The following KIF17 variants were observed in gnomAD, a reference collection of about 807,000 sequenced individuals.
KIF17 encodes the protein kinesin family member 17, also known as kinesin-like protein KIF17.
Under a neutral mutation model 96.8 loss-of-function variants are expected in KIF17, and 80 were observed. That is an observed-to-expected ratio of 0.83 (90% CI 0.69 to 1.00). The LOEUF (loss-of-function observed/expected upper bound fraction) is 1.00, where lower values mean the gene tolerates loss of function less well. Ranked by LOEUF, KIF17 falls within the 50% of genes least tolerant of loss-of-function variation. KIF17 has a pLI of 0.00. For synonymous variants in KIF17, 567 were observed against 587.5 expected, an observed-to-expected ratio of 0.97 and a Z score of 0.51; for missense variants, 1,280 against 1,372.9, an observed-to-expected ratio of 0.93 and a Z score of 1.07.
chr1:20,688,753 G>C (rs1394515431), intron 7 of KIF17, among the ~76,000 whole-genome samples: 1 of 152,188 alleles, frequency 6.6e-6, no homozygotes, highest in Non-Finnish European at 1.5e-5. Flanking sequence ...ATGAATGTCA[G>C]AGCTCCAGAA....
Position 20,672,085 on chromosome 1 carries a change from G to A in KIF17, c.2575C>T (p.Gln859Ter). Reference sequence around the variant, plus strand: ...AGGGGCTGCACCTGCTCCAGGAGCTGCTGCAAGAGCATGGAGTCACGCTCC... The same window carrying A: ...AGGGGCTGCACCTGCTCCAGGAGCTACTGCAAGAGCATGGAGTCACGCTCC... ...RQERDSMLLQ[Q>*]LLEQVQPLIR... The change falls in exon 12 of 15, where the codon CAG (glutamine) becomes TAG (stop). Residue 859 changes from glutamine to a stop codon, truncating the protein, a stop_gained. Coordinates refer to ENST00000400463, the MANE Select transcript of KIF17 (RefSeq NM_001122819.3). LOFTEE classifies it high-confidence loss of function. This position sits in a 1 kb window ranked among gnomAD's most constrained non-coding sequence, Gnocchi z 4.3. 2 of 1,614,196 alleles carry A rather than the reference G, an allele frequency of 1.2e-6. No homozygotes were observed. Among genetic ancestry groups the A allele is most frequent in the Non-Finnish European group, 1.7e-6 (2 of 1,180,048 alleles).
chr1:20,669,993 G>A (rs867304048), intron 13 of KIF17, among the ~76,000 whole-genome samples: 696 of 121,760 alleles, frequency 5.7e-3, no homozygotes, highest in African/African-American at 6.8e-3. Flanking sequence ...CTTAGAAAAA[G>A]AAAAAAAAAA....
intron 13 of KIF17, among the ~76,000 whole-genome samples, chr1:20,668,044 C>T (rs543874840): frequency 6.6e-6 from 1 of 151,070 alleles, no homozygotes; most frequent in East Asian, 2.0e-4. Flanking sequence ...GGCGCGGTGG[C>T]TCATGCCTGT....
chr1:20,661,701 T>C (rs919166494), downstream of KIF17, among the ~76,000 whole-genome samples: 1 of 152,168 alleles, frequency 6.6e-6, no homozygotes, highest in Non-Finnish European at 1.5e-5. Context: ...TGGAGCCCAC[T>C]TCCCTCTGGA....
At chr1:20,677,801 A>G (rs1316765163) in intron 11 of KIF17, among the ~76,000 whole-genome samples, 1 of 152,248 alleles carries the variant, frequency 6.6e-6, no homozygotes, top group Non-Finnish European at 1.5e-5. Context: ...GATTGCAGTG[A>G]GCCGAGCTCA....
chr1:20,717,721 GA>G lies in KIF17; in HGVS notation c.-16del. On this transcript the variant is annotated 5_prime_UTR_variant, in exon 1 of 15. Coordinates refer to ENST00000400463, the MANE Select transcript of KIF17 (RefSeq NM_001122819.3). ...TCGGAGGCCATGGCGCCGCGCCCAGGACCAACGGGACCAGAGCTGACCCCCG... is the reference window on the plus strand; with the variant it reads ...TCGGAGGCCATGGCGCCGCGCCCAGGCCAACGGGACCAGAGCTGACCCCCG... 1 of 1,552,332 alleles carries G rather than the reference GA, an allele frequency of 6.4e-7. No homozygotes were observed. Among genetic ancestry groups the G allele is most frequent in the Non-Finnish European group, 8.7e-7 (1 of 1,155,402 alleles).
At chr1:20,692,371 C>T (rs1483587702) in intron 6 of KIF17, among the ~76,000 whole-genome samples, 1 of 151,450 alleles carries the variant, frequency 6.6e-6, no homozygotes, top group Admixed American at 6.6e-5. Flanking sequence ...GACAGAGTAT[C>T]GCTCTGTCAC....
intron 1 of KIF17, among the ~76,000 whole-genome samples, chr1:20,715,969 A>G (rs710312): frequency 0.68 from 103,424 of 152,136 alleles, 35,510 homozygotes; most frequent in East Asian, 0.88. Flanking sequence ...ACCTTGGGCC[A>G]GGCGGGGTGG....
intron 8 of KIF17, 72 bp from the exon 9 acceptor site, chr1:20,686,198 C>T (rs576025061): frequency 3.7e-4 from 488 of 1,332,008 alleles, no homozygotes; most frequent in Non-Finnish European, 4.7e-4. Context: ...TCCCTCACCC[C>T]TGGCCTCACT....
chr1:20,694,716 G>A (rs144305679), intron 6 of KIF17, among the ~76,000 whole-genome samples: 1,743 of 152,308 alleles, frequency 0.011, 20 homozygotes, highest in Non-Finnish European at 0.017. Flanking sequence ...GCATTCTTTA[G>A]TACATTTTTA....
At chr1:20,710,650 G>A (rs1481733513) in intron 3 of KIF17, among the ~76,000 whole-genome samples, 1 of 152,194 alleles carries the variant, frequency 6.6e-6, no homozygotes, top group Non-Finnish European at 1.5e-5. Context: ...AGAGCCACAG[G>A]AGGCTCAGCT....
At chr1:20,690,154 C>T in intron 7 of KIF17, 34 bp downstream of exon 7, 1 of 1,613,488 alleles carries the variant, frequency 6.2e-7, no homozygotes, top group Non-Finnish European at 8.5e-7. Context: ...GCCACCTTCC[C>T]TGGAGACAGC....
chr1:20,701,517 G>A (rs867575256), intron 5 of KIF17, among the ~76,000 whole-genome samples: 8 of 152,172 alleles, frequency 5.3e-5, no homozygotes, highest in Non-Finnish European at 1.0e-4. Flanking sequence ...GATAACACCA[G>A]GGACCCAGGC....
rs578044364 is a variant in KIF17, at chr1:20,687,958, A to C, written c.1382-14T>G. ...GCAGGACAGCCTCTGCAAAATGGAG[A>C]ACTTCCTTCAGGTTTTTAAAGGGTC... On this transcript the variant is annotated splice_polypyrimidine_tract_variant and intron_variant, in intron 7 of 14. Coordinates refer to ENST00000400463, the MANE Select transcript of KIF17 (RefSeq NM_001122819.3). The surrounding 1 kb of genome is among the most constrained non-coding windows in gnomAD (Gnocchi z 4.4). The C allele has an allele frequency of 1.3e-4, 207 of 1,612,378 alleles. No individual in the cohort carries two copies. In the African/African-American group the frequency reaches 2.4e-3, roughly 19 times the overall value.
At chr1:20,689,448 C>T (rs569037294) in intron 7 of KIF17, among the ~76,000 whole-genome samples, 40 of 152,244 alleles carry the variant, frequency 2.6e-4, no homozygotes, top group African/African-American at 8.2e-4. Context: ...CCCAGGAGTT[C>T]GAGACCAGCC....
rs773507745 is a variant in KIF17, at chr1:20,682,683, C to G, written c.2433G>C (p.Lys811Asn). The change falls in exon 11 of 15, where the codon AAG becomes AAC. Residue 811 changes from lysine (K) to asparagine (N), a missense_variant. By Grantham distance (94) the Lys-to-Asn change is moderately conservative (BLOSUM62 0). Coordinates refer to ENST00000400463, the MANE Select transcript of KIF17 (RefSeq NM_001122819.3). ...TCTGCATCTTCTCCAGCAGCTTGCT[C>G]TTGGCCCGCACTTCCTCCTGGATGG... is the stretch of plus-strand genomic sequence containing the variant. The part of the protein sequence containing the change: ...YDSIQEEVRA[K>N]SKLLEKMQRK... The G allele has an allele frequency of 6.2e-7, 1 of 1,613,932 alleles. No homozygotes were observed. The highest frequency in any genetic ancestry group is 1.7e-5 in the Admixed American group (1 of 59,998).
chr1:20,666,319 A>C lies in KIF17; in HGVS notation c.2803T>G (p.Tyr935Asp). Reference sequence around the variant, plus strand: ...TTGCTCCGACTGAGCATGAGCCTGTAGCGGTCGTCCTCCTGCCGAGATGCA... The same window carrying C: ...TTGCTCCGACTGAGCATGAGCCTGTCGCGGTCGTCCTCCTGCCGAGATGCA... The part of the protein sequence containing the change: ...NGEPNMEDDR[Y>D]RLMLSRSNSE... Residue 935 changes from tyrosine (Y) to aspartate (D), a missense_variant, in exon 14 of 15, where the codon TAC becomes GAC. By Grantham distance (160) the Tyr-to-Asp change is radical. Coordinates refer to ENST00000400463, the MANE Select transcript of KIF17 (RefSeq NM_001122819.3). The C allele has an allele frequency of 6.2e-7, 1 of 1,613,812 alleles. No individual in the cohort carries two copies.
chr1:20,711,208 G>A (rs916859645), intron 3 of KIF17, among the ~76,000 whole-genome samples: 2 of 152,124 alleles, frequency 1.3e-5, no homozygotes, highest in South Asian at 2.1e-4. Flanking sequence ...GGTACTCAGT[G>A]GGGGCTCAGT....
chr1:20,705,370 G>C (rs1419558265), intron 4 of KIF17, among the ~76,000 whole-genome samples: 1 of 152,136 alleles, frequency 6.6e-6, no homozygotes, highest in African/African-American at 2.4e-5. Context: ...TCTCCTTGCA[G>C]TGTGGCATTA....
Sources: gnomAD v4.1 joint callset for allele counts (sites outside exome capture counted in the v4.1 genomes callset) on GRCh38, gnomAD v4.1.1 for gene constraint, Gnocchi (gnomAD v3.1) non-coding constraint, MANE v1.5 for transcripts, NCBI Gene and HGNC (gene_info 2026-07-23, HGNC 2026-07-21) for gene names.